The following EYA1 variants were observed in gnomAD, a reference collection of about 807,000 sequenced individuals.
EYA1 encodes the protein protein phosphatase EYA1.
A neutral mutation model predicts 82.0 loss-of-function variants in EYA1; 16 were observed. The ratio of observed to expected loss-of-function variants is 0.20; its 90% confidence interval spans 0.13 to 0.30. The LOEUF (loss-of-function observed/expected upper bound fraction) is 0.30, where lower values mean the gene tolerates loss of function less well. Ranked by LOEUF, EYA1 falls within the 10% of genes least tolerant of loss-of-function variation. The pLI, the probability that EYA1 is intolerant of heterozygous loss-of-function variation, is 1.00. For missense variants in EYA1, 633 were observed against 730.7 expected (o/e 0.87, Z 1.54); for synonymous variants, 261 against 264.4 (o/e 0.99, Z 0.12).
At chr8:71,425,003 G>A (rs1048426931) in intron 2 of EYA1, among the ~76,000 whole-genome samples, 6 of 147,376 alleles carry the variant, frequency 4.1e-5, no homozygotes, top group Non-Finnish European at 8.9e-5. Flanking sequence ...GCTCACGCCT[G>A]TAATCCCAGC....
rs190377214 is a variant in EYA1, at chr8:71,398,593, G to A, written c.34-42082C>T. Among the ~76,000 whole-genome samples, 304 of 152,314 alleles carry A rather than the reference G, an allele frequency of 2.0e-3. 2 individuals are homozygous for A. Among genetic ancestry groups the A allele is most frequent in the Non-Finnish European group, 3.8e-3 (260 of 68,030 alleles). On this transcript the variant is annotated intron_variant, in intron 2 of 18. Coordinates refer to the EYA1 transcript ENST00000643681. Reference sequence around the variant, plus strand: ...CCCTCTTTGCCTCAGTATCACCAGTGGAGGCTGAAGAACAGCAAATATTGC... The same window carrying A: ...CCCTCTTTGCCTCAGTATCACCAGTAGAGGCTGAAGAACAGCAAATATTGC...
intron 2 of EYA1, among the ~76,000 whole-genome samples, chr8:71,497,122 C>T (rs1454051439): frequency 6.6e-6 from 1 of 152,120 alleles, no homozygotes; most frequent in Non-Finnish European, 1.5e-5. Context: ...CTGGGGTGTC[C>T]AATCTTTTGG....
At chr8:71,276,871 C>T (rs1173459996) in intron 9 of EYA1, among the ~76,000 whole-genome samples, 1 of 152,130 alleles carries the variant, frequency 6.6e-6, no homozygotes, top group Non-Finnish European at 1.5e-5. Flanking sequence ...TTACATGACT[C>T]AGTTTTTTCA....
At chr8:71,463,610 TCTCTCTCTCTCTCTCTCTCTCTCC>T (rs780782731) in intron 2 of EYA1, among the ~76,000 whole-genome samples, 2 of 133,862 alleles carry the variant, frequency 1.5e-5, no homozygotes, top group African/African-American at 3.2e-5. Flanking sequence ...TCTCTCTCTC[TCTCTCTCTCTCTCTCTCTCTCTCC>T]CTCCCTCCCC....
intron 1 of EYA1, among the ~76,000 whole-genome samples, chr8:71,546,328 C>A (rs1815570964): frequency 6.6e-6 from 1 of 152,194 alleles, no homozygotes; most frequent in Non-Finnish European, 1.5e-5. Context: ...GCACATTTTC[C>A]AATAGTAGCT....
intron 9 of EYA1, among the ~76,000 whole-genome samples, chr8:71,295,586 G>C (rs1469389801): frequency 1.3e-5 from 2 of 152,192 alleles, no homozygotes; most frequent in Non-Finnish European, 2.9e-5. Context: ...CAAGAATATG[G>C]AGCAACAGGA....
intron 2 of EYA1, among the ~76,000 whole-genome samples, chr8:71,523,631 T>C (rs570758827): frequency 6.6e-6 from 1 of 152,340 alleles, no homozygotes; most frequent in African/African-American, 2.4e-5. Flanking sequence ...TAGAATCTCA[T>C]TGCACACTTG....
At chr8:71,400,982 T>C (rs1829925242) in intron 2 of EYA1, among the ~76,000 whole-genome samples, 1 of 152,166 alleles carries the variant, frequency 6.6e-6, no homozygotes, top group South Asian at 2.1e-4. Context: ...TCATGCCCTT[T>C]TCAGGGACAT....
intron 17 of EYA1, among the ~76,000 whole-genome samples, chr8:71,209,067 A>G (rs1277999409): frequency 2.0e-5 from 3 of 152,246 alleles, no homozygotes; most frequent in Non-Finnish European, 2.9e-5. Context: ...GAGAAGGACC[A>G]GCCTGGAGAT....
intron 2 of EYA1, among the ~76,000 whole-genome samples, chr8:71,487,046 C>A (rs887970146): frequency 7.0e-6 from 1 of 142,386 alleles, no homozygotes; most frequent in South Asian, 2.3e-4. Flanking sequence ...AGATCACATA[C>A]CTAATAAGCA....
At chr8:71,412,319 T>C (rs965670170) in intron 2 of EYA1, among the ~76,000 whole-genome samples, 1 of 149,374 alleles carries the variant, frequency 6.7e-6, no homozygotes, top group African/African-American at 2.5e-5. Context: ...GCATGGCACA[T>C]GTATACATAT....
At chr8:71,500,117 G>A (rs1266764106) in intron 2 of EYA1, among the ~76,000 whole-genome samples, 1 of 152,156 alleles carries the variant, frequency 6.6e-6, no homozygotes, top group African/African-American at 2.4e-5. Flanking sequence ...TGCCAAGAAA[G>A]CATGTAAAGG....
At chr8:71,255,582 T>G (rs1450187231) in intron 11 of EYA1, among the ~76,000 whole-genome samples, 1 of 152,076 alleles carries the variant, frequency 6.6e-6, no homozygotes, top group Non-Finnish European at 1.5e-5. Context: ...TTACACCATA[T>G]GCAAAAATTA....
chr8:71,483,665 G>A (rs1810347714), intron 2 of EYA1, among the ~76,000 whole-genome samples: 1 of 149,404 alleles, frequency 6.7e-6, no homozygotes, highest in African/African-American at 2.6e-5. Context: ...AATGGTATGT[G>A]TGTGTGTGCG....
intron 2 of EYA1, among the ~76,000 whole-genome samples, chr8:71,420,672 G>T (rs1831100060): frequency 6.6e-6 from 1 of 152,128 alleles, no homozygotes; most frequent in African/African-American, 2.4e-5. Context: ...CCATTAACAA[G>T]CTTTTTGAGT....
At chr8:71,390,467 T>C (rs1439197832) in intron 2 of EYA1, among the ~76,000 whole-genome samples, 2 of 152,142 alleles carry the variant, frequency 1.3e-5, no homozygotes, top group Non-Finnish European at 2.9e-5. Flanking sequence ...CTTGCTATGC[T>C]GCTCAGGCTG....
At chr8:71,262,498 T>C (rs1401699683) in intron 11 of EYA1, among the ~76,000 whole-genome samples, 1 of 152,192 alleles carries the variant, frequency 6.6e-6, no homozygotes, top group Non-Finnish European at 1.5e-5. Flanking sequence ...GTGGTTCACA[T>C]TGTTCCCCTA....
chr8:71,342,761 T>C (rs1456207277), intron 3 of EYA1, among the ~76,000 whole-genome samples: 1 of 152,184 alleles, frequency 6.6e-6, no homozygotes, highest in Non-Finnish European at 1.5e-5. Context: ...TGGTACTTGC[T>C]CTCCAACTAC....
intron 2 of EYA1, among the ~76,000 whole-genome samples, chr8:71,391,478 G>A (rs1033225379): frequency 6.6e-6 from 1 of 152,064 alleles, no homozygotes; most frequent in Non-Finnish European, 1.5e-5. Context: ...TTAAGAATTT[G>A]TCACCTTTTT....
Sources: gnomAD v4.1 joint callset for allele counts (sites outside exome capture counted in the v4.1 genomes callset) on GRCh38, gnomAD v4.1.1 for gene constraint, MANE v1.5 for transcripts, NCBI Gene and HGNC (gene_info 2026-07-23, HGNC 2026-07-21) for gene names.